The following ZNG1A variants were observed in gnomAD, a reference collection of about 807,000 sequenced individuals.
The protein encoded by ZNG1A is zinc-regulated GTPase metalloprotein activator 1A.
At chr9:123,874 G>A in the ZNG1A span, 26 of 154,862 alleles carry the variant, frequency 1.7e-4, no homozygotes, top group Non-Finnish European at 3.3e-4. Context: ...ATCCTGGGGA[G>A]TGAAGATAAC....
At chr9:139,651 G>C in the ZNG1A span, among the ~76,000 whole-genome samples, 1 of 152,074 alleles carries the variant, frequency 6.6e-6, no homozygotes, top group Non-Finnish European at 1.5e-5. Context: ...GAACAGAGGA[G>C]AGAGGAGCCA....
chr9:156,041 G>A, the ZNG1A span, among the ~76,000 whole-genome samples: 2 of 150,844 alleles, frequency 1.3e-5, no homozygotes, highest in South Asian at 4.2e-4. Context: ...TTGGGAGGCT[G>A]AGGCAGGAGA....
At chr9:161,434 C>T in the ZNG1A span, 7 of 466,224 alleles carry the variant, frequency 1.5e-5, no homozygotes, top group South Asian at 1.4e-4. Flanking sequence ...TGCCACTGCA[C>T]TCCAGCCTGG....
chr9:175,681 T>C, the ZNG1A span: 11 of 1,541,092 alleles, frequency 7.1e-6, no homozygotes, highest in Non-Finnish European at 8.9e-6. Flanking sequence ...ACATGACATT[T>C]ATTGAACTTT....
the ZNG1A span, among the ~76,000 whole-genome samples, chr9:162,134 T>C: frequency 6.7e-6 from 1 of 148,894 alleles, no homozygotes; most frequent in East Asian, 1.9e-4. Context: ...AACTTACCAA[T>C]ATTGGGGTTG....
the ZNG1A span, among the ~76,000 whole-genome samples, chr9:165,446 C>T: frequency 7.2e-6 from 1 of 138,964 alleles, no homozygotes; most frequent in Non-Finnish European, 1.5e-5. Context: ...ATAATACTTG[C>T]CAGACTACAT....
chr9:139,457 T>C, the ZNG1A span, among the ~76,000 whole-genome samples: 16 of 150,684 alleles, frequency 1.1e-4, 1 homozygote, highest in African/African-American at 3.7e-4. Flanking sequence ...CTCATGCCTA[T>C]AGTTAGCAAT....
At chr9:149,470 A>AGAGGCCGGGCGC in the ZNG1A span, 1 of 152,130 alleles carries the variant, frequency 6.6e-6, no homozygotes, top group African/African-American at 2.4e-5. Context: ...TTTAAGACTC[A>AGAGGCCGGGCGC]GGTCAATGAC....
chr9:148,037 G>C, the ZNG1A span: 2 of 148,566 alleles, frequency 1.3e-5, no homozygotes, highest in Admixed American at 6.7e-5. Context: ...ACCAGAGTGA[G>C]ATTCTGTCTC....
chr9:173,776 T>C, the ZNG1A span, among the ~76,000 whole-genome samples: 2,403 of 152,224 alleles, frequency 0.016, 28 homozygotes, highest in Non-Finnish European at 0.021. Flanking sequence ...ATCTTTTTCT[T>C]TTCATTCTTC....
At chr9:140,589 C>T in the ZNG1A span, among the ~76,000 whole-genome samples, 1 of 149,450 alleles carries the variant, frequency 6.7e-6, no homozygotes, top group Non-Finnish European at 1.5e-5. Context: ...AAACTGGAAA[C>T]TCTAAAAAGC....
At chr9:163,745 C>G in the ZNG1A span, among the ~76,000 whole-genome samples, 1 of 151,406 alleles carries the variant, frequency 6.6e-6, no homozygotes, top group Admixed American at 6.6e-5. Context: ...GGCGAAACCC[C>G]GTCTCTACTA....
chr9:158,382 T>C, the ZNG1A span, among the ~76,000 whole-genome samples: 6 of 151,780 alleles, frequency 4.0e-5, no homozygotes, highest in Non-Finnish European at 8.8e-5. Flanking sequence ...CTCTGAATGA[T>C]CCTATAGTAC....
chr9:145,554 G>C, the ZNG1A span, among the ~76,000 whole-genome samples: 3 of 99,204 alleles, frequency 3.0e-5, no homozygotes, highest in East Asian at 1.2e-3. Context: ...GTTGTGGGGT[G>C]GGGGGAGGGG....
At chr9:154,924 G>C in the ZNG1A span, 3 of 945,692 alleles carry the variant, frequency 3.2e-6, no homozygotes, top group Non-Finnish European at 4.7e-6. Context: ...CAATATATCA[G>C]TTAAGAATTA....
chr9:175,146 G>A, the ZNG1A span, among the ~76,000 whole-genome samples: 12 of 152,264 alleles, frequency 7.9e-5, no homozygotes, highest in African/African-American at 7.2e-5. Flanking sequence ...TTGGGAGGCC[G>A]AGGCGGGTGG....
chr9:169,169 G>A, the ZNG1A span, among the ~76,000 whole-genome samples: 10 of 152,156 alleles, frequency 6.6e-5, no homozygotes, highest in African/African-American at 2.4e-4. Context: ...ATTCATGGGA[G>A]ATCAAAGTAT....
At chr9:161,575 G>T in the ZNG1A span, 1 of 1,286,472 alleles carries the variant, frequency 7.8e-7, no homozygotes, top group Non-Finnish European at 1.0e-6. Context: ...ACTGCTTTGG[G>T]CCCTATCCAT....
At chr9:122,320 C>T in the ZNG1A span, 3 of 1,404,428 alleles carry the variant, frequency 2.1e-6, no homozygotes, top group South Asian at 1.5e-5. Flanking sequence ...GAACAATCCC[C>T]TTTTCTAATG....
Sources: allele counts gnomAD v4.1 joint callset (sites outside exome capture counted in the v4.1 genomes callset), GRCh38; gene constraint gnomAD v4.1.1; transcripts MANE v1.5; gene names NCBI Gene and HGNC (gene_info 2026-07-23, HGNC 2026-07-21).